CLIP3: variants seen among roughly 807,000 people sequenced by gnomAD.
The protein encoded by CLIP3 is CAP-Gly domain containing linker protein 3.
In CLIP3, 15 loss-of-function variants were observed where a neutral mutation model predicts 59.4. The observed-to-expected ratio is 0.25, with a 90% confidence interval of 0.17 to 0.39. CLIP3 has a LOEUF of 0.39. Among genes scored for constraint, CLIP3 ranks in the 10% least tolerant of loss-of-function variants. CLIP3 has a pLI of 1.00. For synonymous variants in CLIP3, 300 were observed against 321.6 expected, an observed-to-expected ratio of 0.93 and a Z score of 0.72; for missense variants, 495 against 765.7, an observed-to-expected ratio of 0.65 and a Z score of 4.17.
chr19:36,017,342 TC>T (rs1450884012), intron 12 of CLIP3, 43 bp downstream of exon 12: 1 of 1,578,062 alleles, frequency 6.3e-7, no homozygotes, highest in Non-Finnish European at 8.7e-7. Flanking sequence ...CTTCCTCCCA[TC>T]CCCAAACGTA....
In CLIP3 at chr19:36,016,689, C is replaced by T. The variant is rs1343299773; in HGVS notation, c.1589+218G>A. The stretch of plus-strand genomic sequence containing the variant: ...AGGCTCGTATGGAGTGAAGGGTGTT[C>T]TGCTTCCTTTACCGGCCCACCCGAA... On this transcript the variant is annotated intron_variant, in intron 13 of 13. Transcript: ENST00000360535. This position sits in a 1 kb window ranked among gnomAD's most constrained non-coding sequence, Gnocchi z 4.1. 3 of 581,172 alleles carry T rather than the reference C, an allele frequency of 5.2e-6. No homozygotes were observed. The highest frequency in any genetic ancestry group is 2.9e-5 in the Admixed American group (1 of 33,946). 36.0% of individuals were successfully genotyped at this position (581,172 alleles called of 1,614,324 possible). A position where few individuals can be genotyped will look rare whatever the true frequency, so the allele number is the denominator to read the frequency against.
At chr19:36,024,234 C>T (rs905161388) in intron 7 of CLIP3, 162 bp downstream of exon 7, 3 of 632,714 alleles carry the variant, frequency 4.7e-6, no homozygotes, top group South Asian at 1.9e-5. Flanking sequence ...AAAGGAGACA[C>T]CCACGGAACA....
intron 12 of CLIP3, 37 bp from the exon 13 acceptor site, chr19:36,017,016 C>T: frequency 1.9e-6 from 3 of 1,607,834 alleles, no homozygotes; most frequent in East Asian, 2.2e-5. Context: ...GAGGGGATGA[C>T]AGACCACCTG....
At chr19:36,024,157 G>A (rs1328736456) in intron 7 of CLIP3, among the ~76,000 whole-genome samples, 2 of 152,180 alleles carry the variant, frequency 1.3e-5, no homozygotes, top group Non-Finnish European at 2.9e-5. Flanking sequence ...GACCACTCTC[G>A]GCCGTCACTG....
Position 36,029,207 on chromosome 19 carries a change from C to T in CLIP3, c.167-1936G>A, listed in dbSNP as rs527432046. ...TGGTGGTGAGTGCCTGTAATCCCAG[C>T]TACTCAGGAGGCTGAGGCAGGAGAA... is the stretch of plus-strand genomic sequence containing the variant. On this transcript the variant is annotated intron_variant, in intron 2 of 13. Coordinates refer to ENST00000360535, the MANE Select transcript of CLIP3 (RefSeq NM_015526.3). 1.1e-3 allele frequency among the ~76,000 whole-genome samples: 159 copies of T among 150,040 alleles called. 2 individuals are homozygous for T. Among genetic ancestry groups the T allele is most frequent in the South Asian group, 7.6e-3 (36 of 4,764 alleles).
Position 36,026,340 on chromosome 19 carries a change from TCTCTTAA to T in CLIP3, c.563-82_563-76del. On this transcript the variant is annotated intron_variant, in intron 5 of 13. Transcript: ENST00000360535. The surrounding 1 kb of genome is among the most constrained non-coding windows in gnomAD (Gnocchi z 6.3). ...AGCCCTCCTCCCACCTCGGGGCTCA[TCTCTTAA>T]CTTGCAGGTCCCAGAGCCTCCGACG... is the stretch of plus-strand genomic sequence containing the variant. 7.4e-7 allele frequency: 1 copy of T among 1,346,796 alleles called. No homozygotes were observed. The highest frequency in any genetic ancestry group is 1.8e-5 in the Admixed American group (1 of 56,632). The allele number at this position is 1,346,796 out of a possible 1,614,324, so 83.4% of individuals were successfully genotyped here. A position where few individuals can be genotyped will look rare whatever the true frequency, so the allele number is the denominator to read the frequency against.
chr19:36,024,177 G>A (rs912324916), intron 7 of CLIP3, among the ~76,000 whole-genome samples: 1 of 152,228 alleles, frequency 6.6e-6, no homozygotes, highest in African/African-American at 2.4e-5. Context: ...GTCAGATGAC[G>A]GGTTGTTTCC....
At chr19:36,030,974 T>A (rs1218723424) in intron 2 of CLIP3, among the ~76,000 whole-genome samples, 2 of 151,796 alleles carry the variant, frequency 1.3e-5, no homozygotes, top group East Asian at 3.9e-4. Flanking sequence ...TATCTCCACC[T>A]TTAATTTCTT....
At position 36,027,206 on chromosome 19, in the gene CLIP3, T is replaced by C; in HGVS notation, c.232A>G (p.Ile78Val). ...QEILFDPQTT[I>V]PELFAIVRQW... ...CGCACAATGGCAAACAGCTCGGGGA[T>C]GGTGGTCTGAGGGTCAAACAGGATC... The change falls in exon 3 of 14, where the codon ATC becomes GTC. Residue 78 changes from isoleucine to valine, a missense_variant. Physicochemically the swap from Ile to Val is conservative, Grantham distance 29. Coordinates refer to ENST00000360535, the MANE Select transcript of CLIP3 (RefSeq NM_015526.3). 1 of 1,613,766 alleles carries C rather than the reference T, an allele frequency of 6.2e-7. No homozygotes were observed.
In CLIP3 at chr19:36,016,123, G is replaced by A. The variant is rs777021304; in HGVS notation, c.*35C>T. On this transcript the variant is annotated 3_prime_UTR_variant, in exon 14 of 14. Coordinates refer to ENST00000360535, the MANE Select transcript of CLIP3 (RefSeq NM_015526.3). This position sits in a 1 kb window ranked among gnomAD's most constrained non-coding sequence, Gnocchi z 4.1. ...TCCTCGGGTGTCAGGAGATGCTAGT[G>A]GGGACTCTGTCTCTTTGTCAGGTGT... The A allele has an allele frequency of 6.2e-7, 1 of 1,611,530 alleles. No individual in the cohort carries two copies. The highest frequency in any genetic ancestry group is 1.7e-5 in the Admixed American group (1 of 59,928).
intron 2 of CLIP3, among the ~76,000 whole-genome samples, chr19:36,031,001 TTC>T (rs1227971692): frequency 3.9e-5 from 4 of 102,412 alleles, no homozygotes; most frequent in African/African-American, 1.9e-4. Context: ...TTTTCTTTTT[TTC>T]TTTTCTTTTT....
chr19:36,017,659 G>A lies in CLIP3; in HGVS notation c.1447C>T (p.Gln483Ter). 1 of 1,614,024 alleles carries A rather than the reference G, an allele frequency of 6.2e-7. No homozygotes were observed. The highest frequency in any genetic ancestry group is 1.7e-4 in the Middle Eastern group (1 of 6,058). ...HGVFAPASRI[Q>*]RIGGSTDSPG... Reference sequence around the variant, plus strand: ...GGGCTGGAAGTTTGGGCTCACCTCTGAATACGGGATGCTGGTGCGAAGACC... The same window carrying A: ...GGGCTGGAAGTTTGGGCTCACCTCTAAATACGGGATGCTGGTGCGAAGACC... The change falls in exon 11 of 14, where the codon CAG (glutamine) becomes TAG (stop). Residue 483 changes from glutamine to a stop codon, truncating the protein, a stop_gained. Transcript: ENST00000360535. LOFTEE classifies it high-confidence loss of function.
In CLIP3 at chr19:36,017,902, C is replaced by T. The variant is rs1185240143; in HGVS notation, c.1273G>A (p.Ala425Thr). ...CGCACGATCCCCTGCTTCTGGCCCGCGACAAGGACCTGGTCTCCAACCTCA... is the reference window on the plus strand; with the variant it reads ...CGCACGATCCCCTGCTTCTGGCCCGTGACAAGGACCTGGTCTCCAACCTCA... ...KAEVGDQVLV[A>T]GQKQGIVRFY... The change falls in exon 10 of 14, where the codon GCG becomes ACG. Residue 425 changes from alanine to threonine, a missense_variant. Ala to Thr is a moderately conservative substitution (Grantham distance 58, BLOSUM62 0). Coordinates refer to ENST00000360535, the MANE Select transcript of CLIP3 (RefSeq NM_015526.3). 13 of 1,614,002 alleles carry T rather than the reference C, an allele frequency of 8.1e-6. No homozygotes were observed. The highest frequency in any genetic ancestry group is 1.1e-5 in the South Asian group (1 of 91,086).
At position 36,031,023 on chromosome 19, in the gene CLIP3, C is replaced by CTTTTTTTTTTTTTTTTTTTTCT. The variant is rs55762943; in HGVS notation, c.166+1168_166+1169insAGAAAAAAAAAAAAAAAAAAAA. Among the ~76,000 whole-genome samples the CTTTTTTTTTTTTTTTTTTTTCT allele has an allele frequency of 3.7e-5, 3 of 80,174 alleles. 1 individual carries two copies. The highest frequency in any genetic ancestry group is 7.3e-5 in the Non-Finnish European group (3 of 41,188). The allele number at this position is 80,174 out of a possible 152,430, so 52.6% of individuals were successfully genotyped here. Reference sequence around the variant, plus strand: ...TTTTTCTTTTCTTTTTTTTTTTTTTCTTTTTTTTTTTTTTTTTTGAGACAG... The same window carrying CTTTTTTTTTTTTTTTTTTTTCT: ...TTTTTCTTTTCTTTTTTTTTTTTTTCTTTTTTTTTTTTTTTTTTTTCTTTTTTTTTTTTTTTTTTTGAGACAG... On this transcript the variant is annotated intron_variant, in intron 2 of 13. Transcript: ENST00000360535.
At chr19:36,019,493 G>A in intron 7 of CLIP3, 187 bp from the exon 8 acceptor site, 1 of 709,804 alleles carries the variant, frequency 1.4e-6, no homozygotes, top group Non-Finnish European at 2.4e-6. Context: ...TGTGAAATGG[G>A]AACAGAAATT....
In CLIP3 at chr19:36,024,268, G is replaced by A. The variant is rs1170214720; in HGVS notation, c.918+128C>T. On this transcript the variant is annotated intron_variant, in intron 7 of 13. Transcript: ENST00000360535. ...CAACTGAGATAAAATCAAGTACTGG[G>A]TGGATAGTTAGGGCGGCAAGTAGAC... 3.7e-5 allele frequency: 27 copies of A among 725,702 alleles called. 1 individual carries two copies. In the Admixed American group the frequency reaches 5.5e-4, roughly 15 times the overall value. The allele number at this position is 725,702 out of a possible 1,614,324, so 45.0% of individuals were successfully genotyped here. A position where few individuals can be genotyped will look rare whatever the true frequency, so the allele number is the denominator to read the frequency against.
At chr19:36,029,031 T>C (rs532744040) in intron 2 of CLIP3, among the ~76,000 whole-genome samples, 1 of 124,132 alleles carries the variant, frequency 8.1e-6, no homozygotes, top group East Asian at 2.5e-4. Flanking sequence ...TTTTTAGAGA[T>C]AGGGTCTTGG....
intron 7 of CLIP3, among the ~76,000 whole-genome samples, chr19:36,021,615 G>C (rs1968953776): frequency 6.6e-6 from 1 of 151,860 alleles, no homozygotes; most frequent in African/African-American, 2.4e-5. Flanking sequence ...GTAGAGATGA[G>C]GTCTCACTAT....
chr19:36,019,830 T>C (rs946103485), intron 7 of CLIP3, among the ~76,000 whole-genome samples: 6 of 151,790 alleles, frequency 4.0e-5, no homozygotes, highest in Admixed American at 6.5e-5. Flanking sequence ...CTCGAATTCC[T>C]GACCTCAGGT....
Sources: gnomAD v4.1 joint callset for allele counts (sites outside exome capture counted in the v4.1 genomes callset) on GRCh38, gnomAD v4.1.1 for gene constraint, Gnocchi (gnomAD v3.1) non-coding constraint, MANE v1.5 for transcripts, NCBI Gene and HGNC (gene_info 2026-07-23, HGNC 2026-07-21) for gene names.